KAT6A: variants seen among roughly 807,000 people sequenced by gnomAD.
KAT6A encodes the protein lysine acetyltransferase 6A.
In KAT6A, 9 loss-of-function variants were observed where a neutral mutation model predicts 198.4. The ratio of observed to expected loss-of-function variants is 0.05; its 90% CI spans 0.03 to 0.08. The LOEUF is 0.08. Ranked by LOEUF, KAT6A falls within the 10% of genes least tolerant of loss-of-function variation. KAT6A has a pLI of 1.00. For synonymous variants in KAT6A, 890 were observed against 883.0 expected (o/e 1.01, Z -0.14); for missense variants, 2,077 against 2,509.9 (o/e 0.83, Z 3.69).
chr8:42,029,098 TC>T (rs772025554), intron 2 of KAT6A, among the ~76,000 whole-genome samples: 9 of 152,198 alleles, frequency 5.9e-5, no homozygotes, highest in Admixed American at 2.0e-4. Flanking sequence ...GTTTCATTCT[TC>T]CAGTATTTTG....
intron 2 of KAT6A, among the ~76,000 whole-genome samples, chr8:42,017,196 A>C (rs1826316594): frequency 6.6e-6 from 1 of 152,206 alleles, no homozygotes; most frequent in Admixed American, 6.5e-5. Context: ...GGGTTACTGA[A>C]TGAATCCCCC....
intron 2 of KAT6A, among the ~76,000 whole-genome samples, chr8:42,035,258 T>C (rs1185908206): frequency 6.6e-6 from 1 of 152,102 alleles, no homozygotes; most frequent in Non-Finnish European, 1.5e-5. Context: ...TCAGAATCGA[T>C]GGCAATGGCT....
At chr8:42,040,757 A>AAAAAAAAG (rs1564083602) in intron 2 of KAT6A, among the ~76,000 whole-genome samples, 1 of 149,652 alleles carries the variant, frequency 6.7e-6, no homozygotes, top group Non-Finnish European at 1.5e-5. Flanking sequence ...AAAAAAAAAA[A>AAAAAAAAG]AAAGAAAGAA....
chr8:41,961,865 C>G (rs1490592370), intron 8 of KAT6A, among the ~76,000 whole-genome samples: 5 of 151,716 alleles, frequency 3.3e-5, no homozygotes, highest in African/African-American at 1.2e-4. Flanking sequence ...CCACATATTA[C>G]TACTATAACC....
At chr8:41,990,575 C>A (rs1824885002) in intron 2 of KAT6A, among the ~76,000 whole-genome samples, 1 of 152,124 alleles carries the variant, frequency 6.6e-6, no homozygotes, top group Non-Finnish European at 1.5e-5. Flanking sequence ...ACAGAAAATA[C>A]ATGAATAACA....
At position 41,942,790 on chromosome 8, in the gene KAT6A, T is replaced by TA. The variant is rs1822202286; in HGVS notation, c.2436+2dup. On this transcript the variant is annotated splice_region_variant and intron_variant, in intron 14 of 16. Transcript: ENST00000265713. ...CAAAAATAGAGACTATTCATGCCCT[T>TA]ACACTGATCTCTAATTCTCTTTCCT... is the stretch of plus-strand genomic sequence containing the variant. 1 of 1,613,986 alleles carries TA rather than the reference T, an allele frequency of 6.2e-7. No homozygotes were observed. The highest frequency in any genetic ancestry group is 8.5e-7 in the Non-Finnish European group (1 of 1,179,982).
intron 15 of KAT6A, among the ~76,000 whole-genome samples, chr8:41,938,954 G>GAAAA (rs894664976): frequency 2.8e-4 from 21 of 75,690 alleles, no homozygotes; most frequent in Middle Eastern, 6.9e-3. Context: ...TCTGGGGAAG[G>GAAAA]AAAAAAAAAA....
intron 8 of KAT6A, among the ~76,000 whole-genome samples, chr8:41,960,526 A>AAG (rs35872862): frequency 6.6e-6 from 1 of 150,972 alleles, no homozygotes; most frequent in Admixed American, 6.6e-5. Flanking sequence ...AAAAAAAAAA[A>AAG]GTCTGGTTAA....
intron 1 of KAT6A, among the ~76,000 whole-genome samples, chr8:42,050,518 A>G (rs936488951): frequency 1.3e-5 from 2 of 152,224 alleles, no homozygotes; most frequent in South Asian, 4.1e-4. Context: ...ACACACTAGG[A>G]AAGAGATATT....
At chr8:41,989,712 G>A (rs1422089370) in intron 2 of KAT6A, among the ~76,000 whole-genome samples, 1 of 152,150 alleles carries the variant, frequency 6.6e-6, no homozygotes, top group East Asian at 1.9e-4. Flanking sequence ...ATACAAAATG[G>A]CATTAAAGCC....
rs554811545 is a variant in KAT6A at position 42,028,108 on chromosome 8, A to C, written c.600+20270T>G. Among the ~76,000 whole-genome samples, 4 of 152,326 alleles carry C rather than the reference A, an allele frequency of 2.6e-5. No homozygotes were observed. The East Asian group carries it at 7.7e-4, about 29-fold the overall frequency. On this transcript the variant is annotated intron_variant, in intron 2 of 16. Coordinates refer to ENST00000265713, the MANE Select transcript of KAT6A (RefSeq NM_006766.5). ...TAGTTTTATTCCATTTTGGTCTAAG[A>C]AAATACATGATATGATTTTGGTTTT...
At chr8:41,944,328 C>A (rs954980020) in intron 12 of KAT6A, among the ~76,000 whole-genome samples, 2 of 152,218 alleles carry the variant, frequency 1.3e-5, no homozygotes, top group African/African-American at 4.8e-5. Context: ...TAGATGGCAA[C>A]TGCTGTATCT....
chr8:41,997,609 T>C (rs536979235), intron 2 of KAT6A, among the ~76,000 whole-genome samples: 2 of 152,132 alleles, frequency 1.3e-5, no homozygotes, highest in Non-Finnish European at 2.9e-5. Context: ...AAACAAAAAA[T>C]TCTTTCTGAC....
In KAT6A at chr8:41,932,328, G is replaced by A. The variant is rs1448037893; in HGVS notation, c.5892C>T (p.Thr1964=). 1.2e-6 allele frequency: 2 copies of A among 1,614,156 alleles called. No individual in the cohort carries two copies. Among genetic ancestry groups the A allele is most frequent in the East Asian group, 4.5e-5 (2 of 44,882 alleles). The change falls in exon 17 of 17, where the codon ACC becomes ACT. Residue 1964 remains threonine (T), a synonymous_variant. Transcript: ENST00000265713. ...GAGGGTTAGGCTGCATAGGCTGCTGGGTATAGGCCTGGCTCCCCATCATTC... is the reference window on the plus strand; with the variant it reads ...GAGGGTTAGGCTGCATAGGCTGCTGAGTATAGGCCTGGCTCCCCATCATTC... ...QMGMMGSQAY[T]QQPMQPNPHG... is the part of the protein sequence containing the mutation.
chr8:42,023,441 A>C (rs1587837160), intron 2 of KAT6A, among the ~76,000 whole-genome samples: 1 of 152,128 alleles, frequency 6.6e-6, no homozygotes, highest in Non-Finnish European at 1.5e-5. Context: ...TTCTTTTGTA[A>C]TAACACTTCA....
At chr8:41,989,674 T>C (rs1363794133) in intron 2 of KAT6A, among the ~76,000 whole-genome samples, 2 of 152,356 alleles carry the variant, frequency 1.3e-5, no homozygotes, top group East Asian at 3.9e-4. Context: ...GAGACTGGTC[T>C]GGATTTAAAA....
At chr8:42,036,111 T>C (rs948292209) in intron 2 of KAT6A, among the ~76,000 whole-genome samples, 15 of 152,140 alleles carry the variant, frequency 9.9e-5, no homozygotes, top group Admixed American at 2.6e-4. Flanking sequence ...ATGAGCTCAA[T>C]TGGACAGATT....
chr8:41,937,040 A>T (rs549440526), intron 16 of KAT6A, among the ~76,000 whole-genome samples: 11 of 152,372 alleles, frequency 7.2e-5, no homozygotes, highest in African/African-American at 2.6e-4. Flanking sequence ...TATTTTCTGC[A>T]GAGGCAAATT....
At chr8:42,030,857 G>T (rs1165401388) in intron 2 of KAT6A, among the ~76,000 whole-genome samples, 2 of 151,912 alleles carry the variant, frequency 1.3e-5, no homozygotes, top group African/African-American at 4.8e-5. Flanking sequence ...GAATTACAGG[G>T]GTTAACCACT....
Sources: gnomAD v4.1 joint callset for allele counts (sites outside exome capture counted in the v4.1 genomes callset) on GRCh38, gnomAD v4.1.1 for gene constraint, MANE v1.5 for transcripts, NCBI Gene and HGNC (gene_info 2026-07-23, HGNC 2026-07-21) for gene names.